The following LRRC4C variants were observed in gnomAD, a reference collection of about 807,000 sequenced individuals.
LRRC4C encodes the protein leucine-rich repeat-containing protein 4C.
LRRC4C carries 5 observed loss-of-function variants against 33.6 expected under a neutral mutation model. That is an observed-to-expected ratio of 0.15 (90% CI 0.08 to 0.31). The LOEUF (loss-of-function observed/expected upper bound fraction) is 0.31, where lower values mean the gene tolerates loss of function less well. Ranked by LOEUF, LRRC4C falls within the 10% of genes least tolerant of loss-of-function variation. The pLI, the probability that LRRC4C is intolerant of heterozygous loss-of-function variation, is 1.00. For synonymous variants in LRRC4C, 329 were observed against 302.0 expected, an observed-to-expected ratio of 1.09 and a Z score of -0.93; for missense variants, 560 against 796.7, an observed-to-expected ratio of 0.70 and a Z score of 3.58.
chr11:40,368,132 A>G (rs1948295080), intron 3 of LRRC4C, among the ~76,000 whole-genome samples: 1 of 152,190 alleles, frequency 6.6e-6, no homozygotes, highest in South Asian at 2.1e-4. Context: ...TGGGATAAAT[A>G]TATATATCTT....
At chr11:41,358,269 T>C (rs1367835298) in intron 1 of LRRC4C, among the ~76,000 whole-genome samples, 1 of 151,988 alleles carries the variant, frequency 6.6e-6, no homozygotes, top group East Asian at 1.9e-4. Flanking sequence ...ATCACAAACC[T>C]CAATGTAAGC....
intron 1 of LRRC4C, among the ~76,000 whole-genome samples, chr11:41,102,966 TG>T (rs1378853212): frequency 6.6e-6 from 1 of 151,830 alleles, no homozygotes; most frequent in African/African-American, 2.4e-5. Context: ...ATTCAATAAC[TG>T]AATGTCAATT....
intron 3 of LRRC4C, among the ~76,000 whole-genome samples, chr11:40,500,820 C>T (rs1419705641): frequency 2.6e-5 from 4 of 152,122 alleles, no homozygotes; most frequent in Non-Finnish European, 5.9e-5. Context: ...CAAAACCAAT[C>T]ATGCCTTCCC....
intron 1 of LRRC4C, among the ~76,000 whole-genome samples, chr11:41,395,961 A>T (rs1336995724): frequency 6.6e-6 from 1 of 152,052 alleles, no homozygotes; most frequent in Non-Finnish European, 1.5e-5. Context: ...TCTGCCACCC[A>T]TGGGCCACAT....
Position 40,242,880 on chromosome 11 carries a change from A to G in LRRC4C, c.-175-1282T>C, listed in dbSNP as rs559623078. 2.4e-3 allele frequency among the ~76,000 whole-genome samples: 360 copies of G among 152,324 alleles called. 1 individual carries two copies. The highest frequency in any genetic ancestry group is 3.9e-3 in the Non-Finnish European group (262 of 68,020). ...AAGTGTTCATCAAAGAAGCAATTCA[A>G]TAGAATGTTTTCGGCATGCTCTTAA... On this transcript the variant is annotated intron_variant, in intron 4 of 6. Coordinates refer to ENST00000528697, the MANE Select transcript of LRRC4C (RefSeq NM_001258419.2).
intron 3 of LRRC4C, among the ~76,000 whole-genome samples, chr11:40,402,983 A>G (rs984431384): frequency 2.6e-5 from 4 of 152,136 alleles, no homozygotes; most frequent in African/African-American, 7.2e-5. Flanking sequence ...TAATTAATCT[A>G]TTCCTCAGTT....
At chr11:40,454,172 GT>G (rs35415208) in intron 3 of LRRC4C, among the ~76,000 whole-genome samples, 7,735 of 138,380 alleles carry the variant, frequency 0.056, 422 homozygotes, top group African/African-American at 0.15. Context: ...CTTGATTAAA[GT>G]TTTTTTTTTT....
chr11:40,739,201 C>T (rs1054174582), intron 2 of LRRC4C, among the ~76,000 whole-genome samples: 2 of 152,034 alleles, frequency 1.3e-5, no homozygotes, highest in Non-Finnish European at 2.9e-5. Flanking sequence ...CCTTTAATCA[C>T]CATCTCCTCA....
chr11:40,815,988 T>A (rs1327651034), intron 2 of LRRC4C, among the ~76,000 whole-genome samples: 1 of 152,168 alleles, frequency 6.6e-6, no homozygotes, highest in African/African-American at 2.4e-5. Flanking sequence ...ACGAAGTGAG[T>A]AACTGAGAAA....
chr11:41,054,240 T>A (rs1057073566), intron 1 of LRRC4C, among the ~76,000 whole-genome samples: 1 of 152,176 alleles, frequency 6.6e-6, no homozygotes, highest in East Asian at 1.9e-4. Flanking sequence ...GAAAGCTATA[T>A]CTTATATCTA....
At chr11:40,171,704 AC>A (rs574419225) in intron 5 of LRRC4C, among the ~76,000 whole-genome samples, 18 of 151,488 alleles carry the variant, frequency 1.2e-4, no homozygotes, top group South Asian at 2.1e-4. Flanking sequence ...ATTTAATCCG[AC>A]CCCCCCAACC....
intron 3 of LRRC4C, among the ~76,000 whole-genome samples, chr11:40,379,022 G>A (rs987229168): frequency 6.6e-6 from 1 of 152,054 alleles, no homozygotes; most frequent in Non-Finnish European, 1.5e-5. Flanking sequence ...TACCAAGGGA[G>A]GAAGTATGAC....
At chr11:40,801,376 G>T (rs906138249) in intron 2 of LRRC4C, among the ~76,000 whole-genome samples, 2 of 152,036 alleles carry the variant, frequency 1.3e-5, no homozygotes, top group Non-Finnish European at 2.9e-5. Context: ...AACCTTTTCT[G>T]AATCTCTTTA....
At chr11:40,591,390 G>C (rs1417439647) in intron 3 of LRRC4C, among the ~76,000 whole-genome samples, 1 of 152,228 alleles carries the variant, frequency 6.6e-6, no homozygotes, top group African/African-American at 2.4e-5. Flanking sequence ...GCACTCCCTA[G>C]TGAGATGAAC....
intron 2 of LRRC4C, among the ~76,000 whole-genome samples, chr11:40,662,084 G>A (rs1445269192): frequency 4.6e-5 from 7 of 152,200 alleles, no homozygotes; most frequent in Non-Finnish European, 7.3e-5. Flanking sequence ...ACATTCAAAT[G>A]TCTGAATATT....
At chr11:41,355,479 T>C (rs1952128362) in intron 1 of LRRC4C, among the ~76,000 whole-genome samples, 1 of 152,118 alleles carries the variant, frequency 6.6e-6, no homozygotes, top group Non-Finnish European at 1.5e-5. Flanking sequence ...GTGATTATAA[T>C]ATATGTTAAA....
intron 2 of LRRC4C, among the ~76,000 whole-genome samples, chr11:40,667,627 T>C (rs2136249695): frequency 6.6e-6 from 1 of 152,138 alleles, no homozygotes; most frequent in South Asian, 2.1e-4. Context: ...GGTAAGAGAG[T>C]CTAAGAGGAA....
chr11:40,385,893 A>C (rs1474210267), intron 3 of LRRC4C, among the ~76,000 whole-genome samples: 1 of 117,678 alleles, frequency 8.5e-6, no homozygotes, highest in African/African-American at 3.2e-5. Context: ...TAAATAAATA[A>C]AATAAAATAA....
intron 2 of LRRC4C, among the ~76,000 whole-genome samples, chr11:40,793,050 T>C (rs1304834204): frequency 6.6e-6 from 1 of 152,086 alleles, no homozygotes; most frequent in Non-Finnish European, 1.5e-5. Context: ...GATGAGTTAA[T>C]GGGTGCAGCA....
Sources: gnomAD v4.1 joint callset for allele counts (sites outside exome capture counted in the v4.1 genomes callset) on GRCh38, gnomAD v4.1.1 for gene constraint, MANE v1.5 for transcripts, NCBI Gene and HGNC (gene_info 2026-07-23, HGNC 2026-07-21) for gene names.